ADGRB2: variants seen among roughly 807,000 people sequenced by gnomAD.
The protein encoded by ADGRB2 is adhesion G protein-coupled receptor B2, also known as brain-specific angiogenesis inhibitor 2.
Under a neutral mutation model 178.7 loss-of-function variants are expected in ADGRB2, and 47 were observed. The ratio of observed to expected loss-of-function variants is 0.26; its 90% CI spans 0.21 to 0.34. The LOEUF is 0.34. ADGRB2 is among the 10% of genes least tolerant of loss of function. The probability of loss-of-function intolerance (pLI) is 1.00; values close to 1 mark genes in which losing one functional copy is unlikely to be tolerated. For missense variants in ADGRB2, 1,584 were observed against 2,180.8 expected (o/e 0.73, Z 5.45); for synonymous variants, 870 against 912.4 (o/e 0.95, Z 0.84).
chr1:31,738,622 C>T lies in ADGRB2; in HGVS notation c.2610G>A (p.Thr870=), dbSNP rs140870509. The change falls in exon 17 of 33, where the codon ACG becomes ACA. Residue 870 remains threonine, a synonymous_variant. Transcript: ENST00000373658. ...VELSYIINGT[T]DPHCASWDYS... ...AGTCCCAGCTGGCGCAATGGGGATC[C>T]GTGGTCCCCTGGGGAGCAAAAGACA... 9.2e-5 allele frequency: 148 copies of T among 1,611,762 alleles called. No individual in the cohort carries two copies. The highest frequency in any genetic ancestry group is 1.2e-4 in the Non-Finnish European group (144 of 1,178,996).
intron 20 of ADGRB2, 105 bp downstream of exon 20, chr1:31,737,324 T>A (rs1645668879): frequency 1.8e-6 from 2 of 1,081,744 alleles, no homozygotes; most frequent in Non-Finnish European, 2.8e-6. Context: ...GGGGCACACA[T>A]ACACCACCAC....
chr1:31,736,606 G>C lies in ADGRB2; in HGVS notation c.3097C>G (p.Leu1033Val). 2.5e-6 allele frequency: 4 copies of C among 1,614,174 alleles called. No individual in the cohort carries two copies. The highest frequency in any genetic ancestry group is 2.5e-6 in the Non-Finnish European group (3 of 1,180,008). Residue 1033 changes from leucine (L) to valine (V), a missense_variant, in exon 21 of 33, where the codon CTC becomes GTC. Physicochemically the swap from Leu to Val is conservative, Grantham distance 32. Around this residue, in one of 3 missense-constraint regions of ADGRB2, gnomAD observed 865 missense variants for 1,192.8 expected, o/e 0.73. Transcript: ENST00000373658. ...LAVIGRMRTR[L>V]VRKRFLCLGW... ...AGGCAGAGGAAGCGCTTGCGAACGAGGCGGGTGCGCATCCGCCCAATGACA... is the reference window on the plus strand; with the variant it reads ...AGGCAGAGGAAGCGCTTGCGAACGACGCGGGTGCGCATCCGCCCAATGACA...
rs538132655 is a variant in ADGRB2, at chr1:31,741,561, C to T, written c.1687+63G>A. The T allele has an allele frequency of 5.2e-5, 83 of 1,594,562 alleles. No homozygotes were observed. The African/African-American group carries it at 5.2e-4, about 10-fold the overall frequency. ...CTCCGTATCTCAGAGAGGCTGGGGGCGCAGAAGGGGGCAATGAGAATGGCA... is the reference window on the plus strand; with the variant it reads ...CTCCGTATCTCAGAGAGGCTGGGGGTGCAGAAGGGGGCAATGAGAATGGCA... On this transcript the variant is annotated intron_variant, in intron 10 of 32. Coordinates refer to ENST00000373658, the MANE Select transcript of ADGRB2 (RefSeq NM_001364857.2). The surrounding 1 kb of genome is among the most constrained non-coding windows in gnomAD (Gnocchi z 6.5).
chr1:31,744,652 C>A lies in ADGRB2; in HGVS notation c.918G>T (p.Gln306His). Residue 306 changes from glutamine to histidine, a missense_variant, in exon 5 of 33, where the codon CAG becomes CAT. Transcript: ENST00000373658. This position sits in a 1 kb window ranked among gnomAD's most constrained non-coding sequence, Gnocchi z 6.7. Reference protein sequence around the residue: ...SADEPGLYMAQTGDPAAEEWS... With the variant: ...SADEPGLYMAHTGDPAAEEWS... Reference sequence around the variant, plus strand: ...AGGGAGGCGGGCCCGAGTTACCTGTCTGCGCCATGTATAGCCCAGGCTCAT... The same window carrying A: ...AGGGAGGCGGGCCCGAGTTACCTGTATGCGCCATGTATAGCCCAGGCTCAT... The A allele has an allele frequency of 6.2e-7, 1 of 1,614,176 alleles. No individual in the cohort carries two copies. The highest frequency in any genetic ancestry group is 8.5e-7 in the Non-Finnish European group (1 of 1,180,002).
rs183759232 is a variant in ADGRB2 at position 31,731,218 on chromosome 1, G to T, written c.3962C>A (p.Ala1321Asp). The T allele has an allele frequency of 2.4e-5, 39 of 1,603,188 alleles. 1 individual carries two copies. The East Asian group carries it at 8.6e-4, about 35-fold the overall frequency. The change falls in exon 29 of 33, where the codon GCC (alanine) becomes GAC (aspartate). Residue 1321 changes from alanine (A) to aspartate (D), a missense_variant. Ala to Asp is a moderately radical substitution (Grantham distance 126). This residue lies in a region of ADGRB2 where 865 missense variants were observed against 1,192.8 expected (regional missense o/e 0.73). Transcript: ENST00000373658. ...GLGEPPPPQE[A>D]NPVYMCGEGG... The stretch of plus-strand genomic sequence containing the variant: ...CTCCCCACACATGTAAACAGGGTTG[G>T]CCTCCTGTGGGGGCGGAGGCTCCCC...
At chr1:31,729,715 T>C (rs1445029523) in intron 29 of ADGRB2, among the ~76,000 whole-genome samples, 1 of 152,210 alleles carries the variant, frequency 6.6e-6, no homozygotes, top group Non-Finnish European at 1.5e-5. Flanking sequence ...CTCAAAGCGC[T>C]GCTGCATTTA....
intron 16 of ADGRB2, 50 bp from the exon 17 acceptor site, chr1:31,738,680 C>A: frequency 1.9e-6 from 3 of 1,607,422 alleles, no homozygotes; most frequent in Non-Finnish European, 2.6e-6. Context: ...GCTCACCACA[C>A]CCCACCACTG....
At position 31,735,567 on chromosome 1, in the gene ADGRB2, GCCC is replaced by G; in HGVS notation, c.3353+10_3353+12del. ...TTTCCAGAAAGGCCAAGTCTCAGAG[GCCC>G]CCCCCTTACCCGGCCCTCTGCTTCT... On this transcript the variant is annotated intron_variant, in intron 24 of 32. Transcript: ENST00000373658. The surrounding 1 kb of genome is among the most constrained non-coding windows in gnomAD (Gnocchi z 6.0). 6.2e-7 allele frequency: 1 copy of G among 1,611,494 alleles called. No homozygotes were observed. Among genetic ancestry groups the G allele is most frequent in the Non-Finnish European group, 8.5e-7 (1 of 1,178,124 alleles).
Position 31,738,826 on chromosome 1 carries a change from A to C in ADGRB2, c.2601+6T>G, listed in dbSNP as rs923266661. On this transcript the variant is annotated splice_donor_region_variant and intron_variant, in intron 16 of 32. Coordinates refer to ENST00000373658, the MANE Select transcript of ADGRB2 (RefSeq NM_001364857.2). The stretch of plus-strand genomic sequence containing the variant: ...ACCCAAGGTCTCTGCATGGATCTCC[A>C]CTCACATTGATGATGTAGGAGAGCT... The C allele has an allele frequency of 6.2e-7, 1 of 1,613,432 alleles. No individual in the cohort carries two copies. Among genetic ancestry groups the C allele is most frequent in the Non-Finnish European group, 8.5e-7 (1 of 1,179,724 alleles).
chr1:31,741,318 C>G lies in ADGRB2; in HGVS notation c.1794+55G>C. 1 of 1,518,842 alleles carries G rather than the reference C, an allele frequency of 6.6e-7. No individual in the cohort carries two copies. The allele number at this position is 1,518,842 out of a possible 1,614,324, so 94.1% of individuals were successfully genotyped here. ...GCGAGAATCACGCTCCCTCCACCCC[C>G]TAGCAGAGTCTGAGACAGATTCTGC... On this transcript the variant is annotated intron_variant, in intron 11 of 32. Transcript: ENST00000373658. This position sits in a 1 kb window ranked among gnomAD's most constrained non-coding sequence, Gnocchi z 6.5.
Position 31,757,384 on chromosome 1 carries a change from G to A in ADGRB2, c.-63C>T. Reference sequence around the variant, plus strand: ...GGAACAATGTCATTCTCACTCACTTGCTTTACTGAGAGGGAGAGAAAGGGG... The same window carrying A: ...GGAACAATGTCATTCTCACTCACTTACTTTACTGAGAGGGAGAGAAAGGGG... On this transcript the variant is annotated splice_region_variant and 5_prime_UTR_variant, in exon 2 of 33. Transcript: ENST00000373658. 1 of 930,504 alleles carries A rather than the reference G, an allele frequency of 1.1e-6. No homozygotes were observed. Among genetic ancestry groups the A allele is most frequent in the Non-Finnish European group, 1.7e-6 (1 of 588,656 alleles). The allele number at this position is 930,504 out of a possible 1,614,324, so 57.6% of individuals were successfully genotyped here. A position where few individuals can be genotyped will look rare whatever the true frequency, so the allele number is the denominator to read the frequency against.
At position 31,740,023 on chromosome 1, in the gene ADGRB2, GC is replaced by G; in HGVS notation, c.2069del (p.Gly690AlafsTer27). 1 of 1,614,202 alleles carries G rather than the reference GC, an allele frequency of 6.2e-7. No homozygotes were observed. The highest frequency in any genetic ancestry group is 8.5e-7 in the Non-Finnish European group (1 of 1,180,030). The stretch of plus-strand genomic sequence containing the variant: ...CCACGACACGGAGCAGGTGCACAGA[GC>G]CAGGGGACACCTGGGGACAGAAAGT... ...KWDDAQQVSP[G>X]SVHLLRVVED... On this transcript the variant is annotated frameshift_variant, in exon 14 of 33. Transcript: ENST00000373658. LOFTEE classifies it high-confidence loss of function. This position sits in a 1 kb window ranked among gnomAD's most constrained non-coding sequence, Gnocchi z 5.9.
In ADGRB2 at chr1:31,741,278, G is replaced by A. The variant is rs530280258; in HGVS notation, c.1794+95C>T. On this transcript the variant is annotated intron_variant, in intron 11 of 32. Transcript: ENST00000373658. This position sits in a 1 kb window ranked among gnomAD's most constrained non-coding sequence, Gnocchi z 6.5. Reference sequence around the variant, plus strand: ...CAGAAGTGGGCACAGCATATGCCAAGGCACGTGGGAACGAGCGAGAATCAC... The same window carrying A: ...CAGAAGTGGGCACAGCATATGCCAAAGCACGTGGGAACGAGCGAGAATCAC... 94 of 1,310,912 alleles carry A rather than the reference G, an allele frequency of 7.2e-5. No homozygotes were observed. Among genetic ancestry groups the A allele is most frequent in the Middle Eastern group, 2.1e-4 (1 of 4,780 alleles). The allele number at this position is 1,310,912 out of a possible 1,614,324, so 81.2% of individuals were successfully genotyped here.
intron 21 of ADGRB2, 78 bp from the exon 22 acceptor site, chr1:31,736,468 C>A: frequency 6.2e-7 from 1 of 1,603,670 alleles, no homozygotes. Context: ...CCCATCCCAG[C>A]TGACCCCTGT....
rs150433432 is a variant in ADGRB2, at chr1:31,729,236, C to G, written c.4381-603G>C. ...GTCTTAAAATGTCAGCACAGGGAGA[C>G]CCATGAAGCCAAGGCCAACTTTCCC... On this transcript the variant is annotated intron_variant, in intron 29 of 32. Coordinates refer to ENST00000373658, the MANE Select transcript of ADGRB2 (RefSeq NM_001364857.2). Among the ~76,000 whole-genome samples, 513 of 152,218 alleles carry G rather than the reference C, an allele frequency of 3.4e-3. 1 individual carries two copies. The highest frequency in any genetic ancestry group is 0.012 in the African/African-American group (491 of 41,516).
Position 31,735,248 on chromosome 1 carries a change from G to T in ADGRB2, c.3387C>A (p.Leu1129=). The T allele has an allele frequency of 6.8e-7, 1 of 1,469,652 alleles. No homozygotes were observed. The highest frequency in any genetic ancestry group is 9.1e-7 in the Non-Finnish European group (1 of 1,103,566). 91.0% of individuals were successfully genotyped at this position (1,469,652 alleles called of 1,614,324 possible). A position where few individuals can be genotyped will look rare whatever the true frequency, so the allele number is the denominator to read the frequency against. The change falls in exon 25 of 33, where the codon CTC becomes CTA. Residue 1129 remains leucine (L), a synonymous_variant. Transcript: ENST00000373658. This position sits in a 1 kb window ranked among gnomAD's most constrained non-coding sequence, Gnocchi z 6.0. ...SERCPWASLL[L]PCSACGAVPS... is the part of the protein sequence containing the mutation. Reference sequence around the variant, plus strand: ...GGACCGCTCCACACGCTGAGCAGGGGAGGAGCAGGCTGGCCCAGGGGCACC... The same window carrying T: ...GGACCGCTCCACACGCTGAGCAGGGTAGGAGCAGGCTGGCCCAGGGGCACC...
At position 31,755,156 on chromosome 1, in the gene ADGRB2, G is replaced by A. The variant is rs916988687; in HGVS notation, c.838+843C>T. 2.6e-5 allele frequency among the ~76,000 whole-genome samples: 4 copies of A among 152,186 alleles called. No homozygotes were observed. Among genetic ancestry groups the A allele is most frequent in the Admixed American group, 2.6e-4 (4 of 15,282 alleles). On this transcript the variant is annotated intron_variant, in intron 4 of 32. Transcript: ENST00000373658. This position sits in a 1 kb window ranked among gnomAD's most constrained non-coding sequence, Gnocchi z 5.1. ...TGTCATCAGTCCCTGTTCCCTCCAG[G>A]TCTCCTGGTCAGTCCCCGGCCCAGC...
rs1646964072 is a variant in ADGRB2, at chr1:31,759,127, G to T, written c.-190-1616C>A. 6.6e-6 allele frequency among the ~76,000 whole-genome samples: 1 copy of T among 152,120 alleles called. No individual in the cohort carries two copies. The highest frequency in any genetic ancestry group is 2.4e-5 in the African/African-American group (1 of 41,410). ...GTGCCCTGAGGACACACACACCAAA[G>T]CATGAGGGCACAGATGTTCACAGGA... On this transcript the variant is annotated intron_variant, in intron 1 of 32. Coordinates refer to ENST00000373658, the MANE Select transcript of ADGRB2 (RefSeq NM_001364857.2). This position sits in a 1 kb window ranked among gnomAD's most constrained non-coding sequence, Gnocchi z 4.3.
chr1:31,732,740 G>C, intron 26 of ADGRB2, 128 bp from the exon 27 acceptor site: 1 of 1,208,996 alleles, frequency 8.3e-7, no homozygotes, highest in Non-Finnish European at 1.2e-6. Context: ...CTTGGGGAAG[G>C]TGATGACACC....
Sources: gnomAD v4.1 joint callset for allele counts (sites outside exome capture counted in the v4.1 genomes callset) on GRCh38, gnomAD v4.1.1 for gene constraint, gnomAD v4.1.1 regional missense constraint, Gnocchi (gnomAD v3.1) non-coding constraint, MANE v1.5 for transcripts, NCBI Gene and HGNC (gene_info 2026-07-23, HGNC 2026-07-21) for gene names.